Variants in COMMD10 observed in about 807,000 individuals in gnomAD.
COMMD10 encodes COMM domain-containing protein 10.
A neutral mutation model predicts 28.9 loss-of-function variants in COMMD10; 33 were observed. The ratio of observed to expected loss-of-function variants is 1.14; its 90% CI spans 0.87 to 1.53. COMMD10 has a LOEUF of 1.53. Among genes scored for constraint, COMMD10 ranks in the 40% most tolerant of loss-of-function variants. The probability of loss-of-function intolerance (pLI) is 0.00; values close to 1 mark genes in which losing one functional copy is unlikely to be tolerated. For synonymous variants in COMMD10, 110 were observed against 81.7 expected, an observed-to-expected ratio of 1.35 and a Z score of -1.87; for missense variants, 310 against 233.4, an observed-to-expected ratio of 1.33 and a Z score of -2.14.
intron 5 of COMMD10, among the ~76,000 whole-genome samples, chr5:116,149,799 T>C (rs2112549924): frequency 6.9e-6 from 1 of 144,710 alleles, no homozygotes; most frequent in African/African-American, 2.5e-5. Flanking sequence ...TCTCCCATTT[T>C]GTAGGTTGCC....
chr5:116,230,557 T>G (rs1749504608), intron 5 of COMMD10, among the ~76,000 whole-genome samples: 1 of 152,030 alleles, frequency 6.6e-6, no homozygotes. Context: ...TAGTGAAAAT[T>G]TGTTGCTGTG....
intron 5 of COMMD10, among the ~76,000 whole-genome samples, chr5:116,219,969 T>C (rs1236874221): frequency 1.3e-5 from 2 of 152,156 alleles, no homozygotes; most frequent in African/African-American, 4.8e-5. Context: ...GTCTCTACTT[T>C]TTCTTTTTTA....
rs577132586 is a variant in COMMD10, at chr5:116,107,697, G to A, written c.399+14997G>A. 1.4e-4 allele frequency among the ~76,000 whole-genome samples: 21 copies of A among 152,128 alleles called. No individual in the cohort carries two copies. The East Asian group carries it at 2.1e-3, about 15-fold the overall frequency. ...CTACTTCTGTCAGTTCGTCAAACTC[G>A]TTCTCCGTCCAGTTTTGTTCCCTTG... On this transcript the variant is annotated intron_variant, in intron 4 of 6. Transcript: ENST00000274458.
chr5:116,173,911 T>G (rs2112585701), intron 5 of COMMD10, among the ~76,000 whole-genome samples: 1 of 152,126 alleles, frequency 6.6e-6, no homozygotes, highest in East Asian at 1.9e-4. Context: ...TCCTTAATTC[T>G]TTATTCAACA....
chr5:116,224,155 T>C (rs904899892), intron 5 of COMMD10, among the ~76,000 whole-genome samples: 1 of 152,168 alleles, frequency 6.6e-6, no homozygotes, highest in Non-Finnish European at 1.5e-5. Context: ...TTAATCCTTT[T>C]AAAAAATTGA....
At chr5:116,169,183 A>G (rs187301355) in intron 5 of COMMD10, among the ~76,000 whole-genome samples, 20 of 152,334 alleles carry the variant, frequency 1.3e-4, no homozygotes, top group African/African-American at 4.6e-4. Flanking sequence ...CTGATCCCAC[A>G]GAAATACAAA....
At chr5:116,242,600 A>G (rs1181521332) in intron 5 of COMMD10, among the ~76,000 whole-genome samples, 4 of 152,174 alleles carry the variant, frequency 2.6e-5, no homozygotes, top group Admixed American at 2.0e-4. Flanking sequence ...AGTTTCTGGA[A>G]CTATGTCCTT....
In COMMD10 at chr5:116,270,953, A is replaced by G. The variant is rs182555691; in HGVS notation, c.511-20564A>G. Among the ~76,000 whole-genome samples, 49 of 150,858 alleles carry G rather than the reference A, an allele frequency of 3.2e-4. 1 individual carries two copies. The highest frequency in any genetic ancestry group is 8.8e-4 in the African/African-American group (36 of 41,014). ...ACTCTGTCTCAAAAAATAATAATAA[A>G]GATTATATATAAATAAATAAAATCA... is the stretch of plus-strand genomic sequence containing the variant. On this transcript the variant is annotated intron_variant, in intron 5 of 6. Transcript: ENST00000274458.
intron 5 of COMMD10, among the ~76,000 whole-genome samples, chr5:116,284,322 T>G (rs10155643): frequency 0.28 from 43,102 of 151,396 alleles, 8,083 homozygotes; most frequent in African/African-American, 0.52. Flanking sequence ...ATCTAAAGGA[T>G]TGTATGTGTG....
Position 116,262,173 on chromosome 5 carries a change from T to A in COMMD10, c.511-29344T>A, listed in dbSNP as rs1308055460. 5.9e-5 allele frequency among the ~76,000 whole-genome samples: 9 copies of A among 151,670 alleles called. No individual in the cohort carries two copies. In the South Asian group the frequency reaches 1.2e-3, roughly 21 times the overall value. On this transcript the variant is annotated intron_variant, in intron 5 of 6. Transcript: ENST00000274458. Reference sequence around the variant, plus strand: ...AGATGCTATACTATTCTGATGAGTGTCTCCTCTCATCTTTTTCTGTTTGGA... The same window carrying A: ...AGATGCTATACTATTCTGATGAGTGACTCCTCTCATCTTTTTCTGTTTGGA...
Position 116,284,057 on chromosome 5 carries a change from G to A in COMMD10, c.511-7460G>A, listed in dbSNP as rs1381325028. ...GCAGGAGGTTCGTTTACACCCAGGAGTTAGTTCGAGGCTGCAGTGAGCTGT... is the reference window on the plus strand; with the variant it reads ...GCAGGAGGTTCGTTTACACCCAGGAATTAGTTCGAGGCTGCAGTGAGCTGT... On this transcript the variant is annotated intron_variant, in intron 5 of 6. Transcript: ENST00000274458. Among the ~76,000 whole-genome samples the A allele has an allele frequency of 3.9e-5, 6 of 151,924 alleles. No homozygotes were observed. The East Asian group carries it at 1.2e-3, about 29-fold the overall frequency.
chr5:116,187,322 TG>T (rs1189383369), intron 5 of COMMD10, among the ~76,000 whole-genome samples: 2 of 152,154 alleles, frequency 1.3e-5, no homozygotes, highest in Non-Finnish European at 2.9e-5. Context: ...TAGATAGCAG[TG>T]GCAGTGTATT....
chr5:116,279,925 A>G (rs1751028211), intron 5 of COMMD10, among the ~76,000 whole-genome samples: 1 of 151,896 alleles, frequency 6.6e-6, no homozygotes, highest in Non-Finnish European at 1.5e-5. Flanking sequence ...TCTGTATAGA[A>G]TGAGTTACTG....
intron 5 of COMMD10, among the ~76,000 whole-genome samples, chr5:116,198,391 G>C (rs990105440): frequency 2.6e-5 from 4 of 152,046 alleles, no homozygotes; most frequent in African/African-American, 9.7e-5. Context: ...GCAGTGTTAG[G>C]TTCACAGTAA....
chr5:116,272,001 A>G (rs1022378236), intron 5 of COMMD10, among the ~76,000 whole-genome samples: 43 of 151,894 alleles, frequency 2.8e-4, no homozygotes, highest in Non-Finnish European at 5.3e-4. Context: ...ACCTGTTCCC[A>G]TGTTGTATTC....
At chr5:116,119,147 C>A (rs1205571539) in intron 4 of COMMD10, among the ~76,000 whole-genome samples, 1 of 152,142 alleles carries the variant, frequency 6.6e-6, no homozygotes, top group Non-Finnish European at 1.5e-5. Flanking sequence ...TGATTTCCCT[C>A]ACTTCCCTCC....
chr5:116,247,511 G>T (rs890043925), intron 5 of COMMD10, among the ~76,000 whole-genome samples: 1 of 151,992 alleles, frequency 6.6e-6, no homozygotes, highest in East Asian at 1.9e-4. Flanking sequence ...TTATTATAAA[G>T]ACACATACGT....
At chr5:116,169,037 CA>C (rs199750022) in intron 5 of COMMD10, among the ~76,000 whole-genome samples, 43 of 149,978 alleles carry the variant, frequency 2.9e-4, no homozygotes, top group East Asian at 9.8e-4. Flanking sequence ...TAAATTCATT[CA>C]AAAAAAAATC....
chr5:116,262,766 A>G (rs916171008), intron 5 of COMMD10, among the ~76,000 whole-genome samples: 2 of 151,818 alleles, frequency 1.3e-5, no homozygotes, highest in African/African-American at 2.4e-5. Flanking sequence ...CTCATTCCCA[A>G]AATGACCTGA....
Sources: allele counts gnomAD v4.1 joint callset (sites outside exome capture counted in the v4.1 genomes callset), GRCh38; gene constraint gnomAD v4.1.1; transcripts MANE v1.5; gene names NCBI Gene and HGNC (gene_info 2026-07-23, HGNC 2026-07-21).